The following ARHGAP39 variants were observed in gnomAD, a reference collection of about 807,000 sequenced individuals.
The protein encoded by ARHGAP39 is rho GTPase-activating protein 39.
Under a neutral mutation model 106.9 loss-of-function variants are expected in ARHGAP39, and 44 were observed. The observed-to-expected ratio is 0.41, with a 90% CI of 0.32 to 0.53. ARHGAP39 has a LOEUF of 0.53. ARHGAP39 is among the 20% of genes least tolerant of loss of function. ARHGAP39 has a pLI of 0.21. For missense variants in ARHGAP39, 1,496 were observed against 1,577.3 expected (o/e 0.95, Z 0.87); for synonymous variants, 768 against 693.2 (o/e 1.11, Z -1.69).
chr8:144,574,566 C>A (rs971025502), intron 3 of ARHGAP39, among the ~76,000 whole-genome samples: 2 of 152,188 alleles, frequency 1.3e-5, no homozygotes, highest in East Asian at 3.9e-4. Context: ...CCCAGCTACT[C>A]GGGAGGCTGA....
intron 2 of ARHGAP39, among the ~76,000 whole-genome samples, chr8:144,596,954 AC>A (rs1203103667): frequency 6.6e-6 from 1 of 152,156 alleles, no homozygotes; most frequent in Non-Finnish European, 1.5e-5. Context: ...CTCTCCTGAG[AC>A]CACCAGAAGG....
the ARHGAP39 span, among the ~76,000 whole-genome samples, chr8:144,695,296 G>A: frequency 3.3e-5 from 5 of 150,068 alleles, no homozygotes; most frequent in Non-Finnish European, 7.4e-5. Flanking sequence ...GGTTGGTTGC[G>A]AACTCCTGAT....
the ARHGAP39 span, among the ~76,000 whole-genome samples, chr8:144,696,997 G>T: frequency 6.6e-6 from 1 of 152,094 alleles, no homozygotes; most frequent in East Asian, 1.9e-4. Flanking sequence ...TATATGTTAT[G>T]AGACAGAGGA....
intron 1 of ARHGAP39, among the ~76,000 whole-genome samples, chr8:144,661,714 T>C (rs944986258): frequency 6.6e-6 from 1 of 152,090 alleles, no homozygotes; most frequent in African/African-American, 2.4e-5. Context: ...GTTTGCTGTG[T>C]TGCCCAGGCT....
chr8:144,664,765 C>T (rs1821918394), intron 1 of ARHGAP39, among the ~76,000 whole-genome samples: 1 of 152,202 alleles, frequency 6.6e-6, no homozygotes, highest in South Asian at 2.1e-4. Flanking sequence ...TGCCTTTCAC[C>T]ACCCACCATG....
intron 6 of ARHGAP39, among the ~76,000 whole-genome samples, chr8:144,538,510 C>T (rs1817055578): frequency 6.6e-6 from 1 of 152,138 alleles, no homozygotes; most frequent in Non-Finnish European, 1.5e-5. Context: ...TTATTCTGCA[C>T]AGATTTGTCT....
At chr8:144,590,468 C>A (rs935395298) in intron 2 of ARHGAP39, among the ~76,000 whole-genome samples, 1 of 152,176 alleles carries the variant, frequency 6.6e-6, no homozygotes, top group African/African-American at 2.4e-5. Flanking sequence ...GGTGCCTCCC[C>A]TGCCCCGTGC....
intron 1 of ARHGAP39, among the ~76,000 whole-genome samples, chr8:144,611,070 T>C (rs1355155676): frequency 4.6e-5 from 7 of 152,286 alleles, no homozygotes; most frequent in East Asian, 3.9e-4. Context: ...CCTCCCACCT[T>C]TGCCTCCCAA....
chr8:144,669,091 T>C (rs1329379809), intron 1 of ARHGAP39, among the ~76,000 whole-genome samples: 4 of 151,192 alleles, frequency 2.6e-5, no homozygotes, highest in African/African-American at 9.7e-5. Flanking sequence ...CTCCAACACA[T>C]GGTGCCAAGC....
chr8:144,559,079 G>A (rs1818047589), intron 3 of ARHGAP39, among the ~76,000 whole-genome samples: 1 of 152,006 alleles, frequency 6.6e-6, no homozygotes, highest in South Asian at 2.1e-4. Context: ...GTGGTGGTGG[G>A]CACCTGTAGT....
At chr8:144,632,364 A>T (rs1400159943) in intron 1 of ARHGAP39, among the ~76,000 whole-genome samples, 1 of 152,190 alleles carries the variant, frequency 6.6e-6, no homozygotes, top group East Asian at 1.9e-4. Flanking sequence ...CAGAGCCTGC[A>T]GCCCCTCTTC....
chr8:144,672,303 T>C (rs1015588871), intron 1 of ARHGAP39, among the ~76,000 whole-genome samples: 1 of 152,170 alleles, frequency 6.6e-6, no homozygotes, highest in African/African-American at 2.4e-5. Context: ...GCCACCTCTG[T>C]GATCCCAGGG....
chr8:144,666,533 G>A (rs1563730299), intron 1 of ARHGAP39, among the ~76,000 whole-genome samples: 2 of 152,122 alleles, frequency 1.3e-5, no homozygotes, highest in African/African-American at 2.4e-5. Flanking sequence ...CATGGGATCT[G>A]GTCTTTCCTG....
intron 1 of ARHGAP39, among the ~76,000 whole-genome samples, chr8:144,652,085 G>C (rs1821587434): frequency 6.6e-6 from 1 of 152,088 alleles, no homozygotes; most frequent in East Asian, 1.9e-4. Flanking sequence ...ATCAATAAAT[G>C]AGCTTCTGCA....
intron 6 of ARHGAP39, among the ~76,000 whole-genome samples, chr8:144,541,365 G>T (rs1235177205): frequency 6.6e-6 from 1 of 151,914 alleles, no homozygotes; most frequent in Non-Finnish European, 1.5e-5. Flanking sequence ...CTTTTTCTTT[G>T]TGTTTTTAAA....
At chr8:144,686,397 C>T (rs949069384), upstream of ARHGAP39, among the ~76,000 whole-genome samples, 1 of 152,140 alleles carries the variant, frequency 6.6e-6, no homozygotes, top group East Asian at 1.9e-4. Flanking sequence ...CTGCGTTCAG[C>T]CTGGTTTTCT....
intron 1 of ARHGAP39, among the ~76,000 whole-genome samples, chr8:144,681,628 G>T (rs1183477131): frequency 6.6e-6 from 1 of 152,208 alleles, no homozygotes; most frequent in Non-Finnish European, 1.5e-5. Context: ...TTGATAAATT[G>T]TTCAAGGACA....
Position 144,544,453 on chromosome 8 carries a change from T to A in ARHGAP39, c.2521+796A>T, listed in dbSNP as rs112838153. The stretch of plus-strand genomic sequence containing the variant: ...CTGCCACAGAACAGTCTATGGCATG[T>A]CTGACCTGGAGGGTGTGTGTGCGTG... On this transcript the variant is annotated intron_variant, in intron 6 of 11. Coordinates refer to ENST00000377307, the MANE Select transcript of ARHGAP39 (RefSeq NM_025251.3). 4.8e-3 allele frequency among the ~76,000 whole-genome samples: 729 copies of A among 152,362 alleles called. 6 individuals are homozygous for A. Among genetic ancestry groups the A allele is most frequent in the African/African-American group, 0.017 (693 of 41,582 alleles).
At chr8:144,603,095 G>C (rs1361318608) in intron 2 of ARHGAP39, among the ~76,000 whole-genome samples, 13 of 144,446 alleles carry the variant, frequency 9.0e-5, no homozygotes, top group African/African-American at 2.4e-4. Context: ...GTGTGCGCGA[G>C]CTCATGTATC....
Sources: gnomAD v4.1 joint callset for allele counts (sites outside exome capture counted in the v4.1 genomes callset) on GRCh38, gnomAD v4.1.1 for gene constraint, MANE v1.5 for transcripts, NCBI Gene and HGNC (gene_info 2026-07-23, HGNC 2026-07-21) for gene names.